The following NOP10 variants were observed in gnomAD, a reference collection of about 807,000 sequenced individuals.
NOP10 encodes the protein NOP10 ribonucleoprotein.
A neutral mutation model predicts 9.5 loss-of-function variants in NOP10; 6 were observed. The ratio of observed to expected loss-of-function variants is 0.63; its 90% confidence interval spans 0.35 to 1.25. NOP10 has a LOEUF of 1.25. Among genes scored for constraint, NOP10 ranks in the 50% most tolerant of loss-of-function variants. The pLI, the probability that NOP10 is intolerant of heterozygous loss-of-function variation, is 0.03. For missense variants in NOP10, 75 were observed against 81.3 expected, an observed-to-expected ratio of 0.92 and a Z score of 0.30; for synonymous variants, 28 against 30.7, an observed-to-expected ratio of 0.91 and a Z score of 0.29.
In NOP10 at chr15:34,341,951, A is replaced by T; in HGVS notation, c.*17T>A. On this transcript the variant is annotated 3_prime_UTR_variant, in exon 2 of 2. Transcript: ENST00000328848. The stretch of plus-strand genomic sequence containing the variant: ...AGGGGTAACAGGTGGCAGAAAAGAC[A>T]TCAGTTTAAGGGACCCTCAGAGGAC... 1 of 1,613,272 alleles carries T rather than the reference A, an allele frequency of 6.2e-7. No homozygotes were observed. The highest frequency in any genetic ancestry group is 8.5e-7 in the Non-Finnish European group (1 of 1,179,894).
rs576683401 is a variant in NOP10, at chr15:34,342,873, G to A, written c.54+147C>T. 1.6e-4 allele frequency: 128 copies of A among 776,226 alleles called. No homozygotes were observed. The East Asian group carries it at 3.3e-3, about 20-fold the overall frequency. 48.1% of individuals were successfully genotyped at this position (776,226 alleles called of 1,614,324 possible). A position where few individuals can be genotyped will look rare whatever the true frequency, so the allele number is the denominator to read the frequency against. ...GAATTTTTTCTTTTAATTAAAAAAT[G>A]AGTCGCGCGGTCCCGGTTCTTCCCC... On this transcript the variant is annotated intron_variant, in intron 1 of 1. Transcript: ENST00000328848.
chr15:34,341,862 A>G lies in NOP10; in HGVS notation c.*106T>C, dbSNP rs146086719. On this transcript the variant is annotated 3_prime_UTR_variant, in exon 2 of 2. Transcript: ENST00000328848. ...ATCGCCACGAGAGACTGGATGCCAA[A>G]GAGTATGGCTGGCAAAAAGGCATCA... The G allele has an allele frequency of 2.6e-6, 3 of 1,156,672 alleles. No homozygotes were observed. In the African/African-American group the frequency reaches 4.6e-5, roughly 18 times the overall value. 71.7% of individuals were successfully genotyped at this position (1,156,672 alleles called of 1,614,324 possible).
At position 34,341,816 on chromosome 15, in the gene NOP10, T is replaced by C; in HGVS notation, c.*152A>G. On this transcript the variant is annotated 3_prime_UTR_variant, in exon 2 of 2. Transcript: ENST00000328848. ...CCTTTATGGGTGATGCCACCATGAT[T>C]GCCTCACACAAGCATAATCAATCGC... is the stretch of plus-strand genomic sequence containing the variant. 2.6e-6 allele frequency: 2 copies of C among 769,330 alleles called. No individual in the cohort carries two copies. The highest frequency in any genetic ancestry group is 4.5e-6 in the Non-Finnish European group (2 of 441,426). The allele number at this position is 769,330 out of a possible 1,614,324, so 47.7% of individuals were successfully genotyped here.
At position 34,342,118 on chromosome 15, in the gene NOP10, G is replaced by A. The variant is rs200017156; in HGVS notation, c.55-10C>T. Reference sequence around the variant, plus strand: ...CCATCGGGTCAAATTTCTGCTCCAGGAACACAGAATGTATGTCAGTACAGG... The same window carrying A: ...CCATCGGGTCAAATTTCTGCTCCAGAAACACAGAATGTATGTCAGTACAGG... On this transcript the variant is annotated splice_polypyrimidine_tract_variant and intron_variant, in intron 1 of 1. Coordinates refer to ENST00000328848, the MANE Select transcript of NOP10 (RefSeq NM_018648.4). 4.3e-6 allele frequency: 7 copies of A among 1,613,912 alleles called. No individual in the cohort carries two copies. The highest frequency in any genetic ancestry group is 1.7e-5 in the Admixed American group (1 of 60,012).
chr15:34,342,388 C>A (rs936417158), intron 1 of NOP10, among the ~76,000 whole-genome samples: 2 of 151,592 alleles, frequency 1.3e-5, no homozygotes, highest in Non-Finnish European at 2.9e-5. Context: ...AACCAACCAA[C>A]CAAACAAAAA....
intron 1 of NOP10, 143 bp from the exon 2 acceptor site, chr15:34,342,251 A>T: frequency 1.2e-6 from 1 of 841,954 alleles, no homozygotes; most frequent in Non-Finnish European, 2.0e-6. Context: ...TATAAAATTT[A>T]AAAAGGCCGA....
intron 1 of NOP10, 58 bp downstream of exon 1, chr15:34,342,962 C>G: frequency 2.0e-6 from 3 of 1,495,498 alleles, no homozygotes; most frequent in Non-Finnish European, 2.8e-6. Context: ...TGACCTCACC[C>G]ACTCCTCCCA....
Position 34,341,742 on chromosome 15 carries a change from A to G in NOP10, c.*226T>C, listed in dbSNP as rs939904505. 3 of 564,162 alleles carry G rather than the reference A, an allele frequency of 5.3e-6. No homozygotes were observed. The African/African-American group carries it at 5.7e-5, about 11-fold the overall frequency. The allele number at this position is 564,162 out of a possible 1,614,324, so 34.9% of individuals were successfully genotyped here. On this transcript the variant is annotated 3_prime_UTR_variant, in exon 2 of 2. Coordinates refer to ENST00000328848, the MANE Select transcript of NOP10 (RefSeq NM_018648.4). ...AGTTTTTCAAATCATTTTATCTTTA[A>G]TAATCTTGTAGTAATTTAAAATATG...
rs1267896399 is a variant in NOP10 at position 34,341,916 on chromosome 15, G to A, written c.*52C>T. On this transcript the variant is annotated 3_prime_UTR_variant, in exon 2 of 2. Transcript: ENST00000328848. ...CTCACAGTCCGAAGAGTTTGGTTAC[G>A]GAGTCTCCGAGGGGTAACAGGTGGC... 7 of 1,594,658 alleles carry A rather than the reference G, an allele frequency of 4.4e-6. No individual in the cohort carries two copies. In the South Asian group the frequency reaches 6.6e-5, roughly 15 times the overall value.
At chr15:34,342,243 T>C (rs1164443606) in intron 1 of NOP10, 135 bp from the exon 2 acceptor site, 1 of 862,786 alleles carries the variant, frequency 1.2e-6, no homozygotes, top group Non-Finnish European at 1.9e-6. Flanking sequence ...TAGAGAAATA[T>C]AAAATTTAAA....
rs7173 is a variant in NOP10, at chr15:34,341,819, C to T, written c.*149G>A. 0.098 allele frequency: 78,377 copies of T among 803,520 alleles called. 4,838 individuals carry two copies. Among genetic ancestry groups the T allele is most frequent in the Middle Eastern group, 0.12 (342 of 2,912 alleles). 49.8% of individuals were successfully genotyped at this position (803,520 alleles called of 1,614,324 possible). A position where few individuals can be genotyped will look rare whatever the true frequency, so the allele number is the denominator to read the frequency against. ...TTATGGGTGATGCCACCATGATTGC[C>T]TCACACAAGCATAATCAATCGCCAC... is the stretch of plus-strand genomic sequence containing the variant. On this transcript the variant is annotated 3_prime_UTR_variant, in exon 2 of 2. Transcript: ENST00000328848.
At position 34,343,095 on chromosome 15, in the gene NOP10, C is replaced by G. The variant is rs762560152; in HGVS notation, c.-22G>C. ...ACATGATCGCTTATAAGCCAGCGGT[C>G]CCAATTCGGTCCACCGCTCAGTCTG... On this transcript the variant is annotated 5_prime_UTR_variant, in exon 1 of 2. Transcript: ENST00000328848. The G allele has an allele frequency of 1.2e-6, 2 of 1,613,654 alleles. No individual in the cohort carries two copies. Among genetic ancestry groups the G allele is most frequent in the Admixed American group, 3.3e-5 (2 of 60,000 alleles).
At chr15:34,342,267 G>C (rs1193452087) in intron 1 of NOP10, among the ~76,000 whole-genome samples, 159 bp from the exon 2 acceptor site, 1 of 152,096 alleles carries the variant, frequency 6.6e-6, no homozygotes, top group Non-Finnish European at 1.5e-5. Context: ...GCCGAGCGCG[G>C]TGGCTCACGC....
At chr15:34,342,303 C>T (rs1890492797) in intron 1 of NOP10, among the ~76,000 whole-genome samples, 195 bp from the exon 2 acceptor site, 1 of 140,626 alleles carries the variant, frequency 7.1e-6, no homozygotes, top group African/African-American at 2.6e-5. Flanking sequence ...TTTGGGAGGT[C>T]GAGGCGGGAG....
chr15:34,342,526 C>A (rs144573482), intron 1 of NOP10, among the ~76,000 whole-genome samples: 3 of 149,260 alleles, frequency 2.0e-5, no homozygotes, highest in Non-Finnish European at 4.4e-5. Flanking sequence ...ACCGCACCAC[C>A]GCACTACAGC....
Position 34,342,027 on chromosome 15 carries a change from T to C in NOP10, c.136A>G (p.Ile46Val). The C allele has an allele frequency of 6.2e-7, 1 of 1,614,136 alleles. No individual in the cohort carries two copies. Among genetic ancestry groups the C allele is most frequent in the Non-Finnish European group, 8.5e-7 (1 of 1,180,004 alleles). ...SPDDKYSRHR[I>V]TIKKRFKVLM... ...ACCTTGAAGCGTTTCTTGATGGTGATTCGGTGTCGAGAGTATTTGTCATCT... is the reference window on the plus strand; with the variant it reads ...ACCTTGAAGCGTTTCTTGATGGTGACTCGGTGTCGAGAGTATTTGTCATCT... Residue 46 changes from isoleucine to valine, a missense_variant, in exon 2 of 2, where the codon ATC becomes GTC. By Grantham distance (29) the Ile-to-Val change is conservative (BLOSUM62 3). Transcript: ENST00000328848.
In NOP10 at chr15:34,342,192, T is replaced by C. The variant is rs1005085585; in HGVS notation, c.55-84A>G. On this transcript the variant is annotated intron_variant, in intron 1 of 1. Coordinates refer to ENST00000328848, the MANE Select transcript of NOP10 (RefSeq NM_018648.4). ...GCGCGAAAAAGGGCAAACATGAAAATAGAAGATGCAATGGTCAACTCAAAA... is the reference window on the plus strand; with the variant it reads ...GCGCGAAAAAGGGCAAACATGAAAACAGAAGATGCAATGGTCAACTCAAAA... 3.5e-5 allele frequency: 42 copies of C among 1,208,134 alleles called. No homozygotes were observed. In the East Asian group the frequency reaches 6.5e-4, roughly 19 times the overall value. The allele number at this position is 1,208,134 out of a possible 1,614,324, so 74.8% of individuals were successfully genotyped here. A position where few individuals can be genotyped will look rare whatever the true frequency, so the allele number is the denominator to read the frequency against.
chr15:34,341,974 G>A lies in NOP10; in HGVS notation c.189C>T (p.Val63=). Residue 63 remains valine, a synonymous_variant, in exon 2 of 2, where the codon GTC becomes GTT. Transcript: ENST00000328848. ...KVLMTQQPRP[V]L is the part of the protein sequence containing the mutation. ...ACATCAGTTTAAGGGACCCTCAGAG[G>A]ACAGGGCGCGGTTGCTGGGTCATGA... 1 of 1,613,966 alleles carries A rather than the reference G, an allele frequency of 6.2e-7. No homozygotes were observed.
In NOP10 at chr15:34,343,091, C is replaced by G. The variant is rs564679077; in HGVS notation, c.-18G>C. On this transcript the variant is annotated 5_prime_UTR_variant, in exon 1 of 2. Transcript: ENST00000328848. Reference sequence around the variant, plus strand: ...AGAAACATGATCGCTTATAAGCCAGCGGTCCCAATTCGGTCCACCGCTCAG... The same window carrying G: ...AGAAACATGATCGCTTATAAGCCAGGGGTCCCAATTCGGTCCACCGCTCAG... 1.9e-6 allele frequency: 3 copies of G among 1,613,918 alleles called. No individual in the cohort carries two copies. Among genetic ancestry groups the G allele is most frequent in the African/African-American group, 1.3e-5 (1 of 75,058 alleles).
Sources: gnomAD v4.1 joint callset for allele counts (sites outside exome capture counted in the v4.1 genomes callset) on GRCh38, gnomAD v4.1.1 for gene constraint, MANE v1.5 for transcripts, NCBI Gene and HGNC (gene_info 2026-07-23, HGNC 2026-07-21) for gene names.